Variants in DTD1 observed in about 807,000 individuals in gnomAD.
The protein encoded by DTD1 is D-tyrosyl-tRNA deacylase 1 homolog.
DTD1 carries 13 observed loss-of-function variants against 25.6 expected under a neutral mutation model. The ratio of observed to expected loss-of-function variants is 0.51; its 90% CI spans 0.33 to 0.81. The LOEUF is 0.81. Ranked by LOEUF, DTD1 falls within the 30% of genes least tolerant of loss-of-function variation. The probability of loss-of-function intolerance (pLI) is 0.02; values close to 1 mark genes in which losing one functional copy is unlikely to be tolerated. For missense variants in DTD1, 193 were observed against 266.4 expected (o/e 0.72, Z 1.92); for synonymous variants, 110 against 103.6 (o/e 1.06, Z -0.37).
intron 5 of DTD1, among the ~76,000 whole-genome samples, chr20:18,748,174 TACACACAC>T (rs11467996): frequency 6.7e-6 from 1 of 150,088 alleles, no homozygotes; most frequent in Non-Finnish European, 1.5e-5. Context: ...CTGGCACGCA[TACACACAC>T]ACACACACAC....
intron 4 of DTD1, among the ~76,000 whole-genome samples, chr20:18,740,930 GA>G (rs1041387628): frequency 6.6e-6 from 1 of 152,140 alleles, no homozygotes; most frequent in Non-Finnish European, 1.5e-5. Flanking sequence ...GAATAGTCAA[GA>G]GAAAAATATT....
Position 18,694,397 on chromosome 20 carries a change from C to T in DTD1, c.478-49703C>T, listed in dbSNP as rs187904083. On this transcript the variant is annotated intron_variant, in intron 4 of 5. Coordinates refer to ENST00000377452, the MANE Select transcript of DTD1 (RefSeq NM_080820.6). ...GCCCACCCGTGCCTTGCAGTTGGTC[C>T]CTTTGCCTCTCTGAGCTGCATCTTC... Among the ~76,000 whole-genome samples, 31 of 152,190 alleles carry T rather than the reference C, an allele frequency of 2.0e-4. No individual in the cohort carries two copies. In the East Asian group the frequency reaches 5.8e-3, roughly 28 times the overall value.
At chr20:18,651,668 C>T (rs1180086326) in intron 4 of DTD1, among the ~76,000 whole-genome samples, 3 of 152,168 alleles carry the variant, frequency 2.0e-5, no homozygotes, top group Admixed American at 6.5e-5. Context: ...GGCCCCTCCC[C>T]AAAACGGTTC....
intron 4 of DTD1, among the ~76,000 whole-genome samples, chr20:18,682,500 C>T (rs2061001806): frequency 6.6e-6 from 1 of 152,192 alleles, no homozygotes; most frequent in Admixed American, 6.5e-5. Flanking sequence ...TGTTAGGACC[C>T]ATGTGTGGCC....
chr20:18,727,335 A>G (rs895419922), intron 4 of DTD1, among the ~76,000 whole-genome samples: 3 of 152,164 alleles, frequency 2.0e-5, no homozygotes, highest in African/African-American at 7.2e-5. Flanking sequence ...AGGCTTGGGC[A>G]GGAAACAGGA....
rs566658280 is a variant in DTD1, at chr20:18,719,799, G to A, written c.478-24301G>A. Among the ~76,000 whole-genome samples the A allele has an allele frequency of 2.0e-5, 3 of 152,286 alleles. No homozygotes were observed. In the East Asian group the frequency reaches 5.8e-4, roughly 29 times the overall value. On this transcript the variant is annotated intron_variant, in intron 4 of 5. Transcript: ENST00000377452. ...TACTTTTATGTAATTCTGTGGCAAG[G>A]CATTTTTAATCATTTTGTCATAATA... is the stretch of plus-strand genomic sequence containing the variant.
intron 4 of DTD1, among the ~76,000 whole-genome samples, chr20:18,737,866 CTTTAA>C (rs151206471): frequency 0.014 from 2,081 of 152,348 alleles, 32 homozygotes; most frequent in African/African-American, 0.02. Flanking sequence ...ACCAGTTTCT[CTTTAA>C]TTTGGCAAAT....
At chr20:18,609,638 G>C (rs76383012) in intron 3 of DTD1, among the ~76,000 whole-genome samples, 3,033 of 152,188 alleles carry the variant, frequency 0.02, 53 homozygotes, top group African/African-American at 0.024. Flanking sequence ...TTAGATGGGT[G>C]ATATTCCTAC....
At chr20:18,760,876 G>A (rs1351520347) in intron 5 of DTD1, among the ~76,000 whole-genome samples, 1 of 152,174 alleles carries the variant, frequency 6.6e-6, no homozygotes, top group Admixed American at 6.5e-5. Context: ...GCTGCGGTGG[G>A]CTCCACCCAG....
intron 5 of DTD1, among the ~76,000 whole-genome samples, chr20:18,748,321 T>C (rs896535914): frequency 6.6e-6 from 1 of 152,228 alleles, no homozygotes; most frequent in African/African-American, 2.4e-5. Context: ...ATAAATTTAA[T>C]GTCTTGATTT....
At chr20:18,655,064 G>C (rs1237023835) in intron 4 of DTD1, among the ~76,000 whole-genome samples, 1 of 152,124 alleles carries the variant, frequency 6.6e-6, no homozygotes, top group Non-Finnish European at 1.5e-5. Context: ...AGTGTTTTTG[G>C]TTATTAGAAT....
intron 5 of DTD1, among the ~76,000 whole-genome samples, chr20:18,755,903 C>A (rs2061337304): frequency 6.6e-6 from 1 of 152,140 alleles, no homozygotes; most frequent in Non-Finnish European, 1.5e-5. Flanking sequence ...TAAAAGTGTT[C>A]CTATTTCTCC....
chr20:18,762,703 T>C (rs188906720), intron 5 of DTD1, among the ~76,000 whole-genome samples: 69 of 152,380 alleles, frequency 4.5e-4, no homozygotes, highest in Non-Finnish European at 7.6e-4. Context: ...GTTGCCTCTT[T>C]GATTCCTGAT....
intron 4 of DTD1, among the ~76,000 whole-genome samples, chr20:18,706,079 A>C (rs1475176836): frequency 6.6e-6 from 1 of 152,224 alleles, no homozygotes; most frequent in Non-Finnish European, 1.5e-5. Flanking sequence ...AGCTATCAGC[A>C]GTTGTGTGGT....
At chr20:18,694,309 G>GAAGA (rs1326480483) in intron 4 of DTD1, among the ~76,000 whole-genome samples, 4 of 152,200 alleles carry the variant, frequency 2.6e-5, no homozygotes, top group Non-Finnish European at 5.9e-5. Flanking sequence ...TCTCAGCAGG[G>GAAGA]AAGAGAGATA....
chr20:18,700,236 G>T (rs1300234044), intron 4 of DTD1, among the ~76,000 whole-genome samples: 1 of 152,170 alleles, frequency 6.6e-6, no homozygotes, highest in Non-Finnish European at 1.5e-5. Context: ...GGTCAAGATG[G>T]TATCAGTCAG....
chr20:18,765,848 ACAT>A lies in DTD1; in HGVS notation c.*2512_*2514del, dbSNP rs2061377377. The A allele has an allele frequency of 6.6e-6, 1 of 152,198 alleles. No individual in the cohort carries two copies. The highest frequency in any genetic ancestry group is 1.5e-5 in the Non-Finnish European group (1 of 68,028). The allele number at this position is 152,198 out of a possible 1,614,324, so 9.4% of individuals were successfully genotyped here. On this transcript the variant is annotated 3_prime_UTR_variant, in exon 6 of 6. Coordinates refer to ENST00000377452, the MANE Select transcript of DTD1 (RefSeq NM_080820.6). Reference sequence around the variant, plus strand: ...AGCATACTGCTTATTGTCCATTAAAACATCATTTGAATGAGGATGGGAGAGGAG... The same window carrying A: ...AGCATACTGCTTATTGTCCATTAAAACATTTGAATGAGGATGGGAGAGGAG...
At chr20:18,722,349 A>G (rs1171097616) in intron 4 of DTD1, among the ~76,000 whole-genome samples, 3 of 152,246 alleles carry the variant, frequency 2.0e-5, no homozygotes, top group Non-Finnish European at 4.4e-5. Context: ...CAGTGTTGAA[A>G]AAGCAGAGAT....
chr20:18,660,409 C>T (rs1204712563), intron 4 of DTD1, among the ~76,000 whole-genome samples: 2 of 151,800 alleles, frequency 1.3e-5, no homozygotes, highest in African/African-American at 4.8e-5. Context: ...TTTGTGGAGA[C>T]AGGGTTTTGC....
Sources: gnomAD v4.1 joint callset for allele counts (sites outside exome capture counted in the v4.1 genomes callset) on GRCh38, gnomAD v4.1.1 for gene constraint, MANE v1.5 for transcripts, NCBI Gene and HGNC (gene_info 2026-07-23, HGNC 2026-07-21) for gene names.